Variants in CCDC102B observed in about 807,000 individuals in gnomAD.
The protein encoded by CCDC102B is coiled-coil domain-containing protein 102B.
Under a neutral mutation model 57.4 loss-of-function variants are expected in CCDC102B, and 75 were observed. That is an observed-to-expected ratio of 1.31 (90% CI 1.08 to 1.58). The LOEUF (loss-of-function observed/expected upper bound fraction) is 1.58. CCDC102B is among the 40% of genes most tolerant of loss of function. The probability of loss-of-function intolerance (pLI) is 0.00; values close to 1 mark genes in which losing one functional copy is unlikely to be tolerated. For synonymous variants in CCDC102B, 206 were observed against 201.9 expected, an observed-to-expected ratio of 1.02 and a Z score of -0.17; for missense variants, 636 against 582.6, an observed-to-expected ratio of 1.09 and a Z score of -0.94.
intron 4 of CCDC102B, 100 bp downstream of exon 4, chr18:68,846,521 G>A: frequency 3.1e-6 from 2 of 639,608 alleles, no homozygotes; most frequent in South Asian, 2.7e-5. Context: ...ATAAGAGGAA[G>A]GGAGGTTAAA....
rs772787789 is a variant in CCDC102B, at chr18:69,010,838, C to G, written c.1264-96C>G. 5 of 848,666 alleles carry G rather than the reference C, an allele frequency of 5.9e-6. 1 individual carries two copies. The highest frequency in any genetic ancestry group is 8.6e-6 in the Non-Finnish European group (5 of 578,462). The allele number at this position is 848,666 out of a possible 1,614,324, so 52.6% of individuals were successfully genotyped here. A position where few individuals can be genotyped will look rare whatever the true frequency, so the allele number is the denominator to read the frequency against. The stretch of plus-strand genomic sequence containing the variant: ...AGATGATGGCTCATCTAAATTCTTC[C>G]TAAAATGTTTTTCTCTTTTGTCAAA... On this transcript the variant is annotated intron_variant, in intron 6 of 7. Transcript: ENST00000360242.
chr18:68,842,180 ATATG>A (rs1568281955), intron 3 of CCDC102B, among the ~76,000 whole-genome samples: 1 of 151,414 alleles, frequency 6.6e-6, no homozygotes, highest in Admixed American at 6.6e-5. Flanking sequence ...TATTTTTTAT[ATATG>A]TATGAAAGAC....
At chr18:68,864,617 A>G (rs796786907) in intron 4 of CCDC102B, among the ~76,000 whole-genome samples, 15 of 152,110 alleles carry the variant, frequency 9.9e-5, no homozygotes, top group African/African-American at 2.6e-4. Flanking sequence ...TAGTGGGCAT[A>G]TATCTTCCAC....
At chr18:68,959,274 G>A (rs899585514) in intron 6 of CCDC102B, among the ~76,000 whole-genome samples, 9 of 152,150 alleles carry the variant, frequency 5.9e-5, no homozygotes, top group African/African-American at 1.9e-4. Context: ...TAGAAATAGT[G>A]CCTTGGTAGT....
intron 6 of CCDC102B, among the ~76,000 whole-genome samples, chr18:68,999,433 C>A: frequency 6.9e-6 from 1 of 145,552 alleles, no homozygotes. Flanking sequence ...CCAGTCTCTA[C>A]TGAAAATAGT....
intron 6 of CCDC102B, among the ~76,000 whole-genome samples, chr18:68,912,257 A>G (rs1301962909): frequency 6.6e-6 from 1 of 152,186 alleles, no homozygotes; most frequent in African/African-American, 2.4e-5. Context: ...CACTTTCTTG[A>G]TGTATTTTGA....
At chr18:68,895,191 G>A (rs949992082) in intron 5 of CCDC102B, among the ~76,000 whole-genome samples, 4 of 151,768 alleles carry the variant, frequency 2.6e-5, no homozygotes. Context: ...TCCCAAACAA[G>A]CATCCCAAAT....
intron 6 of CCDC102B, among the ~76,000 whole-genome samples, chr18:68,919,023 T>C (rs1470544656): frequency 1.3e-5 from 2 of 152,084 alleles, no homozygotes; most frequent in African/African-American, 4.8e-5. Context: ...GTGTTAAGAC[T>C]ACAAGTGGAA....
chr18:68,809,561 T>G (rs1449090348), intron 1 of CCDC102B, among the ~76,000 whole-genome samples: 1 of 148,122 alleles, frequency 6.8e-6, no homozygotes, highest in Non-Finnish European at 1.5e-5. Context: ...AACAAATGAA[T>G]TTTTGAAAAC....
rs1185658022 is a variant in CCDC102B, at chr18:68,956,543, ATATATAAATATTATATATATTATATATTT to A, written c.1264-54384_1264-54356del. On this transcript the variant is annotated intron_variant, in intron 6 of 7. Transcript: ENST00000360242. ...ATATTATATATATTATATATTTTAT[ATATATAAATATTATATATATTATATATTT>A]TATATATATAAATATTATATATATA... Among the ~76,000 whole-genome samples the A allele has an allele frequency of 2.8e-3, 12 of 4,220 alleles. 1 individual carries two copies. The highest frequency in any genetic ancestry group is 0.083 in the East Asian group (2 of 24). The allele number at this position is 4,220 out of a possible 152,430, so 2.8% of individuals were successfully genotyped here. A position where few individuals can be genotyped will look rare whatever the true frequency, so the allele number is the denominator to read the frequency against.
At chr18:68,735,305 T>C (rs148676445) in intron 2 of CCDC102B, among the ~76,000 whole-genome samples, 2,265 of 152,250 alleles carry the variant, frequency 0.015, 63 homozygotes, top group African/African-American at 0.049. Context: ...GCGATCTGCC[T>C]GCCTCGGCCT....
chr18:68,878,286 C>T (rs529550532), intron 5 of CCDC102B, among the ~76,000 whole-genome samples: 7 of 152,024 alleles, frequency 4.6e-5, no homozygotes, highest in African/African-American at 1.7e-4. Context: ...TTTGTAGAGA[C>T]CGGGGTCTCA....
rs1048732570 is a variant in CCDC102B, at chr18:69,054,723, G to A, written c.*586G>A. On this transcript the variant is annotated 3_prime_UTR_variant, in exon 8 of 8. Coordinates refer to ENST00000360242, the MANE Select transcript of CCDC102B (RefSeq NM_024781.3). ...AAGTGTTTTGTATTTTAAAGTAACA[G>A]ATAACCAGTGATTGAATCTAAGACA... The A allele has an allele frequency of 1.8e-5, 18 of 985,000 alleles. No individual in the cohort carries two copies. Among genetic ancestry groups the A allele is most frequent in the Non-Finnish European group, 2.2e-5 (18 of 829,732 alleles). 61.0% of individuals were successfully genotyped at this position (985,000 alleles called of 1,614,324 possible).
chr18:68,857,293 T>TA lies in CCDC102B; in HGVS notation c.936+10872_936+10873insA, dbSNP rs1555714715. Among the ~76,000 whole-genome samples, 38 of 4,560 alleles carry TA rather than the reference T, an allele frequency of 8.3e-3. 9 individuals are homozygous for TA. Among genetic ancestry groups the TA allele is most frequent in the Admixed American group, 0.03 (6 of 198 alleles). 3.0% of individuals were successfully genotyped at this position (4,560 alleles called of 152,430 possible). ...TATATATATAATATATATTTATATATTATATATATAATATATATTTATATA... is the reference window on the plus strand; with the variant it reads ...TATATATATAATATATATTTATATATATATATATATAATATATATTTATATA... On this transcript the variant is annotated intron_variant, in intron 4 of 7. Coordinates refer to ENST00000360242, the MANE Select transcript of CCDC102B (RefSeq NM_024781.3).
intron 1 of CCDC102B, among the ~76,000 whole-genome samples, chr18:68,824,654 A>G (rs981690525): frequency 6.6e-6 from 1 of 152,230 alleles, no homozygotes; most frequent in African/African-American, 2.4e-5. Context: ...ATTTCATTGG[A>G]TAAAATATAG....
At chr18:68,915,831 T>C (rs1273372717) in intron 6 of CCDC102B, among the ~76,000 whole-genome samples, 2 of 152,354 alleles carry the variant, frequency 1.3e-5, no homozygotes, top group Non-Finnish European at 2.9e-5. Context: ...TTTTAATAGT[T>C]GTAAAGTACG....
At chr18:68,896,411 C>T (rs934483472) in intron 5 of CCDC102B, among the ~76,000 whole-genome samples, 3 of 151,952 alleles carry the variant, frequency 2.0e-5, no homozygotes, top group African/African-American at 7.2e-5. Context: ...TGTTGATATA[C>T]CATGCAGCCT....
chr18:69,047,179 G>A (rs2052588906), intron 7 of CCDC102B, among the ~76,000 whole-genome samples: 2 of 152,056 alleles, frequency 1.3e-5, no homozygotes, highest in African/African-American at 4.8e-5. Flanking sequence ...CTCACAAACT[G>A]AATCTGCCAT....
At chr18:68,957,143 C>A (rs539007205) in intron 6 of CCDC102B, among the ~76,000 whole-genome samples, 1 of 151,962 alleles carries the variant, frequency 6.6e-6, no homozygotes, top group Non-Finnish European at 1.5e-5. Context: ...GATGTGATCT[C>A]ATTTCTTTAT....
Sources: allele counts gnomAD v4.1 joint callset (sites outside exome capture counted in the v4.1 genomes callset), GRCh38; gene constraint gnomAD v4.1.1; transcripts MANE v1.5; gene names NCBI Gene and HGNC (gene_info 2026-07-23, HGNC 2026-07-21).